PCDH7: variants seen among roughly 807,000 people sequenced by gnomAD.
PCDH7 encodes protocadherin-7.
Under a neutral mutation model 58.9 loss-of-function variants are expected in PCDH7, and 17 were observed. That is an observed-to-expected ratio of 0.29 (90% CI 0.20 to 0.43). The LOEUF (loss-of-function observed/expected upper bound fraction) is 0.43, where lower values mean the gene tolerates loss of function less well. Among genes scored for constraint, PCDH7 ranks in the 20% least tolerant of loss-of-function variants. PCDH7 has a pLI of 1.00. For synonymous variants in PCDH7, 664 were observed against 616.4 expected, an observed-to-expected ratio of 1.08 and a Z score of -1.14; for missense variants, 1,274 against 1,441.0, an observed-to-expected ratio of 0.88 and a Z score of 1.88.
intron 1 of PCDH7, among the ~76,000 whole-genome samples, chr4:30,882,224 C>T (rs771601229): frequency 1.8e-4 from 27 of 151,180 alleles, no homozygotes; most frequent in African/African-American, 3.2e-4. Context: ...TTAACTCCTC[C>T]TCCTCCTCCT....
chr4:30,938,087 A>G (rs1206809562), intron 2 of PCDH7, among the ~76,000 whole-genome samples: 3 of 152,036 alleles, frequency 2.0e-5, no homozygotes, highest in African/African-American at 7.2e-5. Context: ...TCTTGTAGCA[A>G]TAGGGGAAAA....
chr4:30,792,400 A>T (rs1473686603), intron 1 of PCDH7, among the ~76,000 whole-genome samples: 1 of 152,146 alleles, frequency 6.6e-6, no homozygotes, highest in African/African-American at 2.4e-5. Flanking sequence ...TCAGAAAAAA[A>T]CAAAGCCAAT....
At chr4:30,746,877 C>T (rs954588879) in intron 1 of PCDH7, among the ~76,000 whole-genome samples, 6 of 151,972 alleles carry the variant, frequency 3.9e-5, no homozygotes, top group Non-Finnish European at 7.4e-5. Context: ...TCTAGAAAAC[C>T]ATAAATAGGT....
At chr4:30,940,667 C>G (rs561366878) in intron 2 of PCDH7, among the ~76,000 whole-genome samples, 1 of 152,008 alleles carries the variant, frequency 6.6e-6, no homozygotes, top group South Asian at 2.1e-4. Context: ...TATTACTTAA[C>G]TGAGACATAA....
At chr4:30,917,651 T>C (rs191168301) in intron 1 of PCDH7, among the ~76,000 whole-genome samples, 13 of 152,106 alleles carry the variant, frequency 8.5e-5, no homozygotes, top group Admixed American at 5.2e-4. Flanking sequence ...TTTTTACTTC[T>C]AAAATAATTT....
intron 1 of PCDH7, among the ~76,000 whole-genome samples, chr4:30,810,518 A>G (rs1726842030): frequency 1.3e-5 from 2 of 152,210 alleles, no homozygotes; most frequent in South Asian, 4.1e-4. Flanking sequence ...TATAATGAAT[A>G]ATTAAATGAT....
chr4:31,130,058 T>G (rs1718789675), intron 3 of PCDH7, among the ~76,000 whole-genome samples: 1 of 152,194 alleles, frequency 6.6e-6, no homozygotes, highest in South Asian at 2.1e-4. Flanking sequence ...CCATAAATCC[T>G]ATAAAGTATT....
intron 1 of PCDH7, among the ~76,000 whole-genome samples, chr4:30,757,269 CT>C (rs1439663294): frequency 2.6e-5 from 4 of 152,180 alleles, no homozygotes; most frequent in Non-Finnish European, 5.9e-5. Flanking sequence ...AATGTTCTAC[CT>C]TTCATGATGC....
At chr4:30,995,373 G>A (rs1450145004) in intron 3 of PCDH7, among the ~76,000 whole-genome samples, 1 of 152,054 alleles carries the variant, frequency 6.6e-6, no homozygotes, top group African/African-American at 2.4e-5. Flanking sequence ...TTAGCTGGGC[G>A]TGGTGGCGGG....
At chr4:30,968,302 CTATA>C (rs758613796) in intron 3 of PCDH7, among the ~76,000 whole-genome samples, 5 of 80,310 alleles carry the variant, frequency 6.2e-5, no homozygotes, top group South Asian at 3.4e-4. Context: ...CTCTCTCTCT[CTATA>C]TATATATATA....
At chr4:30,833,713 A>C (rs1021688693) in intron 1 of PCDH7, among the ~76,000 whole-genome samples, 1 of 152,192 alleles carries the variant, frequency 6.6e-6, no homozygotes, top group Admixed American at 6.5e-5. Context: ...TTAACAATAC[A>C]AGGAAAGTAC....
intron 3 of PCDH7, among the ~76,000 whole-genome samples, chr4:31,040,182 C>G (rs533914264): frequency 6.6e-6 from 1 of 152,260 alleles, no homozygotes; most frequent in Admixed American, 6.5e-5. Context: ...CCCACGTAAC[C>G]ACCACTCCAA....
intron 1 of PCDH7, among the ~76,000 whole-genome samples, chr4:30,912,496 C>T (rs1741912335): frequency 1.3e-5 from 2 of 152,022 alleles, no homozygotes; most frequent in Admixed American, 1.3e-4. Context: ...ATGGACATAA[C>T]TAAGTGAATT....
chr4:31,088,086 T>C (rs1398033594), intron 3 of PCDH7, among the ~76,000 whole-genome samples: 1 of 152,040 alleles, frequency 6.6e-6, no homozygotes, highest in African/African-American at 2.4e-5. Flanking sequence ...TGGAACCCTT[T>C]CTCCAGATTC....
downstream of PCDH7, among the ~76,000 whole-genome samples, chr4:30,737,065 A>T (rs568617028): frequency 4.2e-4 from 64 of 152,244 alleles, no homozygotes; most frequent in South Asian, 0.013. Flanking sequence ...AGAAAACTAA[A>T]GCTGGATGAG....
intron 3 of PCDH7, among the ~76,000 whole-genome samples, chr4:30,954,031 C>T (rs1042223782): frequency 1.1e-4 from 17 of 152,120 alleles, no homozygotes; most frequent in Admixed American, 3.3e-4. Context: ...GTCAGATCTG[C>T]GCTTTCCCTA....
At chr4:30,917,915 T>G (rs1405433166) in intron 1 of PCDH7, among the ~76,000 whole-genome samples, 4 of 152,168 alleles carry the variant, frequency 2.6e-5, no homozygotes, top group African/African-American at 4.8e-5. Context: ...TCTTTTTTTC[T>G]ACTTTTATAT....
chr4:31,014,408 G>T (rs1753449039), intron 3 of PCDH7, among the ~76,000 whole-genome samples: 2 of 152,052 alleles, frequency 1.3e-5, no homozygotes, highest in East Asian at 1.9e-4. Context: ...TAAGCAGTTT[G>T]CATGACACCA....
intron 1 of PCDH7, chr4:30,786,731 A>T: frequency 1.0e-6 from 1 of 981,986 alleles, no homozygotes; most frequent in Non-Finnish European, 1.2e-6. Flanking sequence ...TTATAGGTGG[A>T]TACAGTGCAG....
Sources: gnomAD v4.1 joint callset for allele counts (sites outside exome capture counted in the v4.1 genomes callset) on GRCh38, gnomAD v4.1.1 for gene constraint, MANE v1.5 for transcripts, NCBI Gene and HGNC (gene_info 2026-07-23, HGNC 2026-07-21) for gene names.